FRMPD4: variants seen among roughly 807,000 people sequenced by gnomAD.
FRMPD4 encodes the protein FERM and PDZ domain containing 4.
Under a neutral mutation model 94.1 loss-of-function variants are expected in FRMPD4, and 22 were observed. The ratio of observed to expected loss-of-function variants is 0.23; its 90% CI spans 0.17 to 0.33. FRMPD4 has a LOEUF of 0.33. Ranked by LOEUF, FRMPD4 falls within the 10% of genes least tolerant of loss-of-function variation. The pLI, the probability that FRMPD4 is intolerant of heterozygous loss-of-function variation, is 1.00. For missense variants in FRMPD4, 1,111 were observed against 1,339.9 expected, an observed-to-expected ratio of 0.83 and a Z score of 2.67; for synonymous variants, 631 against 548.6, an observed-to-expected ratio of 1.15 and a Z score of -2.10.
intron 3 of FRMPD4, among the ~76,000 whole-genome samples, chrX:11,996,869 AT>A (rs1163580328): frequency 8.9e-6 from 1 of 111,823 alleles, no homozygotes; most frequent in African/African-American, 3.2e-5. Context: ...TATATACAAA[AT>A]CAGTGCTTAA....
intron 1 of FRMPD4, among the ~76,000 whole-genome samples, chrX:11,861,239 C>T (rs1237239404): frequency 9.0e-6 from 1 of 111,715 alleles, no homozygotes; most frequent in Non-Finnish European, 1.9e-5. Flanking sequence ...ATACTCAAAT[C>T]TCTCAAGAAA....
At chrX:12,274,176 C>A (rs1267135705) in intron 1 of FRMPD4, among the ~76,000 whole-genome samples, 3 of 110,515 alleles carry the variant, frequency 2.7e-5, no homozygotes, top group Non-Finnish European at 5.7e-5. Flanking sequence ...TAGGTATCTA[C>A]TCTTTCTAAT....
At chrX:12,064,016 G>A (rs944297821) in intron 3 of FRMPD4, among the ~76,000 whole-genome samples, 1 of 111,977 alleles carries the variant, frequency 8.9e-6, no homozygotes, top group African/African-American at 3.2e-5. Flanking sequence ...CTTGAAGTTT[G>A]TGGGCTGAGT....
At chrX:11,945,557 C>T (rs950700656) in intron 3 of FRMPD4, among the ~76,000 whole-genome samples, 1 of 111,692 alleles carries the variant, frequency 9.0e-6, no homozygotes, top group African/African-American at 3.3e-5. Context: ...TTATTTGGCT[C>T]ACAGTTTTGC....
At chrX:12,038,640 A>G (rs1249915797) in intron 3 of FRMPD4, among the ~76,000 whole-genome samples, 2 of 112,028 alleles carry the variant, frequency 1.8e-5, no homozygotes, top group African/African-American at 3.2e-5. Context: ...CTCCCCTAGA[A>G]GATTTAGTTT....
intron 1 of FRMPD4, among the ~76,000 whole-genome samples, chrX:12,399,799 A>G (rs1275195774): frequency 1.8e-5 from 2 of 111,535 alleles, no homozygotes; most frequent in South Asian, 3.9e-4. Flanking sequence ...AAATTCATAT[A>G]TAAGTGGACC....
At chrX:12,003,233 T>A (rs897608851) in intron 3 of FRMPD4, among the ~76,000 whole-genome samples, 3 of 112,126 alleles carry the variant, frequency 2.7e-5, no homozygotes, top group African/African-American at 9.7e-5. Context: ...GCTCTGCAAG[T>A]TGCTTTATAT....
chrX:11,958,680 C>T lies in FRMPD4; in HGVS notation c.95+80662C>T, dbSNP rs765434158. On this transcript the variant is annotated intron_variant, in intron 3 of 18. Transcript: ENST00000640291. Reference sequence around the variant, plus strand: ...GTTGAGCCAATTACAGAAGCTCAGTCCAAACCAATGACCACCTCTAAATTT... The same window carrying T: ...GTTGAGCCAATTACAGAAGCTCAGTTCAAACCAATGACCACCTCTAAATTT... Among the ~76,000 whole-genome samples, 12 of 111,843 alleles carry T rather than the reference C, an allele frequency of 1.1e-4. No homozygotes were observed. In the South Asian group the frequency reaches 4.1e-3, roughly 39 times the overall value.
intron 1 of FRMPD4, among the ~76,000 whole-genome samples, chrX:12,198,390 G>A (rs1018540364): frequency 9.0e-6 from 1 of 111,642 alleles, no homozygotes; most frequent in African/African-American, 3.3e-5. Flanking sequence ...CACAAGACTC[G>A]CCTTGGTGTC....
chrX:12,474,778 C>G (rs1446558074), intron 1 of FRMPD4, among the ~76,000 whole-genome samples: 5 of 111,225 alleles, frequency 4.5e-5, no homozygotes, highest in Non-Finnish European at 7.6e-5. Flanking sequence ...TTGAATCTCT[C>G]AATAGACCAA....
chrX:12,316,681 C>T (rs770605727), intron 1 of FRMPD4, among the ~76,000 whole-genome samples: 29 of 110,646 alleles, frequency 2.6e-4, no homozygotes, highest in African/African-American at 6.9e-4. Flanking sequence ...CAAGGGTATC[C>T]AGGTAAATCC....
chrX:12,637,420 A>C (rs1400659975), intron 4 of FRMPD4, among the ~76,000 whole-genome samples: 1 of 112,520 alleles, frequency 8.9e-6, no homozygotes, highest in Non-Finnish European at 1.9e-5. Context: ...CTATAATCTC[A>C]ACACTTTGGG....
intron 1 of FRMPD4, among the ~76,000 whole-genome samples, chrX:12,386,618 G>A (rs960508688): frequency 8.9e-6 from 1 of 111,741 alleles, no homozygotes; most frequent in African/African-American, 3.3e-5. Flanking sequence ...TACCGTAGCC[G>A]ACTTATCATC....
intron 3 of FRMPD4, among the ~76,000 whole-genome samples, chrX:12,092,488 A>G (rs553570061): frequency 7.2e-5 from 8 of 111,384 alleles, no homozygotes; most frequent in African/African-American, 2.6e-4. Flanking sequence ...CTGCCTTGAG[A>G]TGGAGCTCCC....
chrX:11,840,338 T>A (rs2053527252), intron 1 of FRMPD4, among the ~76,000 whole-genome samples: 1 of 111,760 alleles, frequency 8.9e-6, no homozygotes, highest in Non-Finnish European at 1.9e-5. Flanking sequence ...ATATTGTGGA[T>A]GAATTTTTTT....
intron 3 of FRMPD4, among the ~76,000 whole-genome samples, chrX:12,111,728 A>C (rs1166056970): frequency 2.6e-4 from 29 of 111,519 alleles, no homozygotes; most frequent in African/African-American, 9.4e-4. Context: ...TTACAAGAAA[A>C]AAACAACCCC....
At chrX:12,605,020 A>G (rs1205779166) in intron 2 of FRMPD4, among the ~76,000 whole-genome samples, 4 of 112,299 alleles carry the variant, frequency 3.6e-5, no homozygotes, top group Non-Finnish European at 7.5e-5. Flanking sequence ...GATCATTGTC[A>G]CCATTTTACA....
chrX:12,584,356 C>T lies in FRMPD4; in HGVS notation c.159-25365C>T, dbSNP rs148819593. Among the ~76,000 whole-genome samples, 810 of 111,893 alleles carry T rather than the reference C, an allele frequency of 7.2e-3. 5 individuals carry two copies. The highest frequency in any genetic ancestry group is 0.037 in the Middle Eastern group (8 of 218). On this transcript the variant is annotated intron_variant, in intron 2 of 16. Coordinates refer to ENST00000675598, the MANE Select transcript of FRMPD4 (RefSeq NM_001368397.1). ...TCCAGTCCTGGTAACATCTAATATC[C>T]CCTCAGCTGTCCATTATTGACGGCT... is the stretch of plus-strand genomic sequence containing the variant.
At chrX:12,104,421 C>G (rs989388000) in intron 3 of FRMPD4, among the ~76,000 whole-genome samples, 10 of 112,132 alleles carry the variant, frequency 8.9e-5, no homozygotes, top group African/African-American at 2.3e-4. Flanking sequence ...ATTGTCTTCC[C>G]TCTTCATTGA....
Sources: allele counts gnomAD v4.1 joint callset (sites outside exome capture counted in the v4.1 genomes callset), GRCh38; gene constraint gnomAD v4.1.1; transcripts MANE v1.5; gene names NCBI Gene and HGNC (gene_info 2026-07-23, HGNC 2026-07-21).